The following DGAT2L6 variants were observed in gnomAD, a reference collection of about 807,000 sequenced individuals.
DGAT2L6 encodes diacylglycerol O-acyltransferase 2-like protein 6.
Under a neutral mutation model 25.5 loss-of-function variants are expected in DGAT2L6, and 22 were observed. The ratio of observed to expected loss-of-function variants is 0.86; its 90% CI spans 0.62 to 1.23. The LOEUF is 1.23. Ranked by LOEUF, DGAT2L6 falls within the 50% of genes most tolerant of loss-of-function variation. The pLI, the probability that DGAT2L6 is intolerant of heterozygous loss-of-function variation, is 0.00. For missense variants in DGAT2L6, 287 were observed against 253.2 expected (o/e 1.13, Z -0.91); for synonymous variants, 100 against 94.7 (o/e 1.06, Z -0.32).
chrX:70,189,703 G>A (rs758280213), intron 1 of DGAT2L6, among the ~76,000 whole-genome samples: 6 of 111,879 alleles, frequency 5.4e-5, no homozygotes, highest in East Asian at 2.8e-4. Context: ...CAAAATACAC[G>A]CTAAAAACTA....
At chrX:70,199,208 T>C (rs2085401182) in intron 1 of DGAT2L6, 63 bp from the exon 2 acceptor site, 2 of 733,801 alleles carry the variant, frequency 2.7e-6, no homozygotes, top group South Asian at 5.6e-5. Context: ...GAGGCCGGGG[T>C]TATGAGAAGT....
At chrX:70,194,570 T>A (rs758064707) in intron 1 of DGAT2L6, among the ~76,000 whole-genome samples, 1 of 111,806 alleles carries the variant, frequency 8.9e-6, no homozygotes, top group South Asian at 3.7e-4. Context: ...ATAAGATAGA[T>A]AGCCCAGAAA....
intron 1 of DGAT2L6, among the ~76,000 whole-genome samples, chrX:70,182,137 A>G (rs2085345181): frequency 9.0e-6 from 1 of 111,117 alleles, no homozygotes; most frequent in Non-Finnish European, 1.9e-5. Context: ...CTGATTACTG[A>G]GCATTACTGG....
At chrX:70,202,167 T>A in intron 5 of DGAT2L6, 103 bp downstream of exon 5, 1 of 760,085 alleles carries the variant, frequency 1.3e-6, no homozygotes, top group Non-Finnish European at 1.8e-6. Context: ...AGGGCCCCCA[T>A]CTTCACTCTA....
chrX:70,182,469 C>CTTTTTTTTTTTTT (rs1171530335), intron 1 of DGAT2L6, among the ~76,000 whole-genome samples: 5 of 49,137 alleles, frequency 1.0e-4, no homozygotes, highest in Admixed American at 2.5e-4. Flanking sequence ...TCAAAAGCAT[C>CTTTTTTTTTTTTT]TTTTTTTTTT....
rs1199513 is a variant in DGAT2L6 at position 70,196,068 on chromosome X, T to C, written c.86-3203T>C. 9.4e-3 allele frequency among the ~76,000 whole-genome samples: 1,044 copies of C among 111,517 alleles called. 15 individuals carry two copies. The highest frequency in any genetic ancestry group is 0.033 in the African/African-American group (1,013 of 30,736). On this transcript the variant is annotated intron_variant, in intron 1 of 6. Coordinates refer to ENST00000333026, the MANE Select transcript of DGAT2L6 (RefSeq NM_198512.3). The stretch of plus-strand genomic sequence containing the variant: ...GTCTCAAATCATCACATTGTGCACA[T>C]TGAATATACACCATTTTTATTTGTA...
intron 1 of DGAT2L6, among the ~76,000 whole-genome samples, chrX:70,198,647 A>G (rs1391747539): frequency 9.0e-6 from 1 of 111,150 alleles, no homozygotes; most frequent in Non-Finnish European, 1.9e-5. Flanking sequence ...GGTTCAAGCG[A>G]TTCTCCTGCC....
intron 1 of DGAT2L6, among the ~76,000 whole-genome samples, chrX:70,186,016 T>G (rs189394136): frequency 1.8e-5 from 2 of 111,787 alleles, no homozygotes; most frequent in African/African-American, 6.5e-5. Flanking sequence ...GTTTTCACCT[T>G]ACACTGGAAA....
Position 70,204,413 on chromosome X carries a change from A to G in DGAT2L6, c.756A>G (p.Thr252=). ...LRLFQKTFQD[T]FKKILGLNFC... ...TGTTCCAAAAAACCTTCCAGGACAC[A>G]TTCAAAAAAATCCTGGGACTAAATT... Residue 252 remains threonine, a synonymous_variant, in exon 6 of 7, where the codon ACA becomes ACG. Transcript: ENST00000333026. 8.3e-7 allele frequency: 1 copy of G among 1,211,537 alleles called. No individual in the cohort carries two copies. The highest frequency in any genetic ancestry group is 3.0e-5 in the East Asian group (1 of 33,818).
chrX:70,199,392 G>A lies in DGAT2L6; in HGVS notation c.196+11G>A, dbSNP rs1421987044. 6.2e-6 allele frequency: 7 copies of A among 1,131,583 alleles called. No individual in the cohort carries two copies. The highest frequency in any genetic ancestry group is 8.4e-6 in the Non-Finnish European group (7 of 836,911). The allele number at this position is 1,131,583 out of a possible 1,213,427, so 93.3% of individuals were successfully genotyped here. A position where few individuals can be genotyped will look rare whatever the true frequency, so the allele number is the denominator to read the frequency against. On this transcript the variant is annotated intron_variant, in intron 2 of 6. Coordinates refer to ENST00000333026, the MANE Select transcript of DGAT2L6 (RefSeq NM_198512.3). ...ACACCCACAGTCAAGGTAAGAGACAGGGGCACAATGGTGGTCCTGTTTGGG... is the reference window on the plus strand; with the variant it reads ...ACACCCACAGTCAAGGTAAGAGACAAGGGCACAATGGTGGTCCTGTTTGGG...
rs777581571 is a variant in DGAT2L6, at chrX:70,199,883, G to C, written c.267+1G>C. ...TTTCCGAAATTACTTCCCAGTAAAG[G>C]TGACCACTCTTCCTCGGGGTGCCCT... is the stretch of plus-strand genomic sequence containing the variant. On this transcript the variant is annotated splice_donor_variant, in intron 3 of 6. Transcript: ENST00000333026. LOFTEE classifies it high-confidence loss of function. The C allele has an allele frequency of 6.6e-6, 8 of 1,209,428 alleles. No individual in the cohort carries two copies. Among genetic ancestry groups the C allele is most frequent in the Non-Finnish European group, 6.7e-6 (6 of 894,150 alleles).
rs2085403938 is a variant in DGAT2L6, at chrX:70,199,893, T to C, written c.267+11T>C. The C allele has an allele frequency of 8.3e-7, 1 of 1,203,680 alleles. No homozygotes were observed. The highest frequency in any genetic ancestry group is 2.2e-5 in the Admixed American group (1 of 45,876). On this transcript the variant is annotated intron_variant, in intron 3 of 6. Transcript: ENST00000333026. ...TACTTCCCAGTAAAGGTGACCACTC[T>C]TCCTCGGGGTGCCCTCAGTCCCTGT...
intron 1 of DGAT2L6, among the ~76,000 whole-genome samples, chrX:70,196,503 G>GAAAAAAAAAAAA (rs1164024384): frequency 0.073 from 5,059 of 69,317 alleles, 248 homozygotes; most frequent in Non-Finnish European, 0.11. Context: ...AAAAAAAAAA[G>GAAAAAAAAAAAA]AAAGAAAAAA....
chrX:70,200,766 G>T (rs1461744667), intron 4 of DGAT2L6, among the ~76,000 whole-genome samples: 1 of 111,828 alleles, frequency 8.9e-6, no homozygotes, highest in Admixed American at 9.5e-5. Context: ...TGAAAGCCAA[G>T]AATTAAACAC....
intron 1 of DGAT2L6, among the ~76,000 whole-genome samples, chrX:70,180,894 G>A (rs757784627): frequency 1.8e-5 from 2 of 112,191 alleles, no homozygotes; most frequent in Non-Finnish European, 3.8e-5. Flanking sequence ...TCCTTTGAAA[G>A]GCTGAGTTAT....
At chrX:70,197,603 T>C (rs1211264332) in intron 1 of DGAT2L6, among the ~76,000 whole-genome samples, 2 of 112,646 alleles carry the variant, frequency 1.8e-5, no homozygotes, top group Admixed American at 1.9e-4. Context: ...AGAGAAAACA[T>C]TTGCTTATTT....
chrX:70,200,180 C>T, intron 3 of DGAT2L6, 75 bp from the exon 4 acceptor site: 9 of 1,022,908 alleles, frequency 8.8e-6, no homozygotes, highest in Non-Finnish European at 1.2e-5. Context: ...CATAGGCTAC[C>T]TGCTGGGATT....
chrX:70,178,871 T>C (rs1284573423), intron 1 of DGAT2L6, among the ~76,000 whole-genome samples: 2 of 112,576 alleles, frequency 1.8e-5, no homozygotes, highest in Admixed American at 9.4e-5. Flanking sequence ...TCACAGAGAT[T>C]TGCATTTCAT....
chrX:70,180,254 T>A (rs2085339297), intron 1 of DGAT2L6, among the ~76,000 whole-genome samples: 1 of 110,565 alleles, frequency 9.0e-6, no homozygotes, highest in Non-Finnish European at 1.9e-5. Context: ...ATCGAGACCA[T>A]CTTGGCCAAC....
Sources: allele counts gnomAD v4.1 joint callset (sites outside exome capture counted in the v4.1 genomes callset), GRCh38; gene constraint gnomAD v4.1.1; transcripts MANE v1.5; gene names NCBI Gene and HGNC (gene_info 2026-07-23, HGNC 2026-07-21).